Variants in FAM237B observed in about 807,000 individuals in gnomAD.
FAM237B encodes protein FAM237B.
Position 90,318,111 on chromosome 7 carries a change from A to G in FAM237B, c.*1218T>C, listed in dbSNP as rs1051551668. ...TTTATCAAAGGTATAGGCTTTTACG[A>G]CATGCATTCAAAAAGTATTAATCTA... On this transcript the variant is annotated 3_prime_UTR_variant, in exon 3 of 3. Coordinates refer to ENST00000692316, the MANE Select transcript of FAM237B (RefSeq NM_001384237.2). 12 of 152,190 alleles carry G rather than the reference A, an allele frequency of 7.9e-5. No individual in the cohort carries two copies. The highest frequency in any genetic ancestry group is 2.9e-4 in the African/African-American group (12 of 41,472). The allele number at this position is 152,190 out of a possible 1,614,324, so 9.4% of individuals were successfully genotyped here. A position where few individuals can be genotyped will look rare whatever the true frequency, so the allele number is the denominator to read the frequency against.
rs917979671 is a variant in FAM237B, at chr7:90,318,007, A to G, written c.*1322T>C. ...GAACATATGGTTTGGTTTTTCTTAT[A>G]AGCATGTGAATCTTGAAACTGTTCA... is the stretch of plus-strand genomic sequence containing the variant. On this transcript the variant is annotated 3_prime_UTR_variant, in exon 3 of 3. Transcript: ENST00000692316. 1 of 152,198 alleles carries G rather than the reference A, an allele frequency of 6.6e-6. No individual in the cohort carries two copies. The highest frequency in any genetic ancestry group is 2.4e-5 in the African/African-American group (1 of 41,466). 9.4% of individuals were successfully genotyped at this position (152,198 alleles called of 1,614,324 possible). A position where few individuals can be genotyped will look rare whatever the true frequency, so the allele number is the denominator to read the frequency against.
chr7:90,320,749 A>G (rs1290698649), intron 1 of FAM237B, 22 bp from the exon 2 acceptor site: 1 of 152,324 alleles, frequency 6.6e-6, no homozygotes, highest in African/African-American at 2.4e-5. Context: ...AATCATACGA[A>G]TCAAATCTAA....
At position 90,319,200 on chromosome 7, in the gene FAM237B, G is replaced by T; in HGVS notation, c.*129C>A. ...GTGTGGTTTGTAAATAATGTAAAAT[G>T]AGTAAAAATGAGAATCAAAACCTAT... On this transcript the variant is annotated 3_prime_UTR_variant, in exon 3 of 3. Coordinates refer to ENST00000692316, the MANE Select transcript of FAM237B (RefSeq NM_001384237.2). 3 of 389,764 alleles carry T rather than the reference G, an allele frequency of 7.7e-6. No homozygotes were observed. The highest frequency in any genetic ancestry group is 1.4e-5 in the Non-Finnish European group (3 of 220,822). The allele number at this position is 389,764 out of a possible 1,614,324, so 24.1% of individuals were successfully genotyped here. A position where few individuals can be genotyped will look rare whatever the true frequency, so the allele number is the denominator to read the frequency against.
rs1352203065 is a variant in FAM237B at position 90,319,638 on chromosome 7, G to A, written c.111C>T (p.Ser37=). The part of the protein sequence containing the change: ...EFQKGVLASI[S]PGITKDIDLQ... ...GATCAATGTCTTTGGTGATTCCTGG[G>A]CTGATGCTGGCAAGCACTCCTTTTT... is the stretch of plus-strand genomic sequence containing the variant. The change falls in exon 3 of 3, where the codon AGC becomes AGT. Residue 37 remains serine (S), a synonymous_variant. Coordinates refer to ENST00000692316, the MANE Select transcript of FAM237B (RefSeq NM_001384237.2). 2.0e-5 allele frequency: 8 copies of A among 398,560 alleles called. No homozygotes were observed. The highest frequency in any genetic ancestry group is 3.1e-5 in the Non-Finnish European group (7 of 226,054). 24.7% of individuals were successfully genotyped at this position (398,560 alleles called of 1,614,324 possible).
At position 90,319,500 on chromosome 7, in the gene FAM237B, C is replaced by T; in HGVS notation, c.249G>A (p.Arg83=). The part of the protein sequence containing the change: ...NFMLFLQKSQ[R]PGHYNVFLNI... ...TTAAGAAGACATTATAATGTCCAGGCCGCTGAGATTTTTGCAAGAACAACA... is the reference window on the plus strand; with the variant it reads ...TTAAGAAGACATTATAATGTCCAGGTCGCTGAGATTTTTGCAAGAACAACA... Residue 83 remains arginine (R), a synonymous_variant, in exon 3 of 3, where the codon CGG becomes CGA. Transcript: ENST00000692316. The T allele has an allele frequency of 2.5e-6, 1 of 398,536 alleles. No individual in the cohort carries two copies. Among genetic ancestry groups the T allele is most frequent in the East Asian group, 3.6e-5 (1 of 28,068 alleles). 24.7% of individuals were successfully genotyped at this position (398,536 alleles called of 1,614,324 possible).
chr7:90,320,010 G>C (rs962566553), intron 2 of FAM237B, among the ~76,000 whole-genome samples: 27 of 152,092 alleles, frequency 1.8e-4, no homozygotes, highest in Non-Finnish European at 2.6e-4. Flanking sequence ...TTTCATCACA[G>C]ACCTTTAAAA....
intron 2 of FAM237B, among the ~76,000 whole-genome samples, chr7:90,320,072 A>T (rs557033803): frequency 6.6e-6 from 1 of 152,356 alleles, no homozygotes; most frequent in East Asian, 1.9e-4. Flanking sequence ...TTTACTGATT[A>T]GATCATTAGT....
In FAM237B at chr7:90,320,784, T is replaced by TTA; in HGVS notation, c.-50-58_-50-57insTA. 1.3e-5 allele frequency: 2 copies of TTA among 152,362 alleles called. 1 individual carries two copies. The highest frequency in any genetic ancestry group is 2.9e-5 in the Non-Finnish European group (2 of 68,046). 9.4% of individuals were successfully genotyped at this position (152,362 alleles called of 1,614,324 possible). A position where few individuals can be genotyped will look rare whatever the true frequency, so the allele number is the denominator to read the frequency against. ...AACAGGACATTCAAGTCATTTCACA[T>TTA]CGTCGAAAATTGTGCAAATTCCCCA... is the stretch of plus-strand genomic sequence containing the variant. On this transcript the variant is annotated intron_variant, in intron 1 of 2. Coordinates refer to ENST00000692316, the MANE Select transcript of FAM237B (RefSeq NM_001384237.2).
rs1483017827 is a variant in FAM237B, at chr7:90,319,128, A to G, written c.*201T>C. 7 of 369,742 alleles carry G rather than the reference A, an allele frequency of 1.9e-5. No individual in the cohort carries two copies. Among genetic ancestry groups the G allele is most frequent in the East Asian group, 3.9e-5 (1 of 25,428 alleles). 22.9% of individuals were successfully genotyped at this position (369,742 alleles called of 1,614,324 possible). ...ACAAGGATAATTTTAATTATCTACC[A>G]AAGTGTATTATATTCCAAGATCATT... On this transcript the variant is annotated 3_prime_UTR_variant, in exon 3 of 3. Transcript: ENST00000692316.
rs1283373804 is a variant in FAM237B at position 90,317,900 on chromosome 7, T to A, written c.*1429A>T. On this transcript the variant is annotated 3_prime_UTR_variant, in exon 3 of 3. Transcript: ENST00000692316. ...TTGTAAGGATACTTGAAACCAGTGTTGTAAACCATGGTAGCCACTGTGAAA... is the reference window on the plus strand; with the variant it reads ...TTGTAAGGATACTTGAAACCAGTGTAGTAAACCATGGTAGCCACTGTGAAA... 1 of 152,192 alleles carries A rather than the reference T, an allele frequency of 6.6e-6. No homozygotes were observed. Among genetic ancestry groups the A allele is most frequent in the East Asian group, 1.9e-4 (1 of 5,200 alleles). 9.4% of individuals were successfully genotyped at this position (152,192 alleles called of 1,614,324 possible).
rs752498393 is a variant in FAM237B, at chr7:90,318,031, C to T, written c.*1298G>A. On this transcript the variant is annotated 3_prime_UTR_variant, in exon 3 of 3. Coordinates refer to ENST00000692316, the MANE Select transcript of FAM237B (RefSeq NM_001384237.2). The stretch of plus-strand genomic sequence containing the variant: ...TAAGCATGTGAATCTTGAAACTGTT[C>T]ATGTGTCCCTCTTCACTAGGAGAAG... The T allele has an allele frequency of 2.0e-5, 3 of 152,166 alleles. No homozygotes were observed. The highest frequency in any genetic ancestry group is 4.4e-5 in the Non-Finnish European group (3 of 68,010). The allele number at this position is 152,166 out of a possible 1,614,324, so 9.4% of individuals were successfully genotyped here.
At chr7:90,320,881 C>T (rs42612) in intron 1 of FAM237B, 41 bp downstream of exon 1, 152,258 of 152,424 alleles carry the variant, frequency 1, 76,047 homozygotes, top group Middle Eastern at 1. Context: ...CAATTTCAGG[C>T]TAGCGCCTCT....
Position 90,319,127 on chromosome 7 carries a change from C to A in FAM237B, c.*202G>T. The stretch of plus-strand genomic sequence containing the variant: ...AACAAGGATAATTTTAATTATCTAC[C>A]AAAGTGTATTATATTCCAAGATCAT... On this transcript the variant is annotated 3_prime_UTR_variant, in exon 3 of 3. Transcript: ENST00000692316. 4 of 339,878 alleles carry A rather than the reference C, an allele frequency of 1.2e-5. No homozygotes were observed. Among genetic ancestry groups the A allele is most frequent in the Non-Finnish European group, 1.1e-5 (2 of 189,398 alleles). The allele number at this position is 339,878 out of a possible 1,614,324, so 21.1% of individuals were successfully genotyped here.
Position 90,319,376 on chromosome 7 carries a change from G to GA in FAM237B, c.372dup (p.Pro125SerfsTer8). 2.5e-6 allele frequency: 1 copy of GA among 398,512 alleles called. No individual in the cohort carries two copies. The highest frequency in any genetic ancestry group is 4.4e-6 in the Non-Finnish European group (1 of 226,024). The allele number at this position is 398,512 out of a possible 1,614,324, so 24.7% of individuals were successfully genotyped here. On this transcript the variant is annotated frameshift_variant, in exon 3 of 3. Transcript: ENST00000692316. LOFTEE classifies it high-confidence loss of function. ...AAATTACCTCCTGTTATTTTCTGTG[G>GA]AAAATTATATTTGGGGGGCATCACC...
rs1254157805 is a variant in FAM237B, at chr7:90,321,091, C to G, written c.-220G>C. 2.0e-5 allele frequency: 3 copies of G among 152,320 alleles called. No homozygotes were observed. The highest frequency in any genetic ancestry group is 2.1e-4 in the South Asian group (1 of 4,838). 9.4% of individuals were successfully genotyped at this position (152,320 alleles called of 1,614,324 possible). ...CAGCGGGGACGACCCCTGCCCAGGG[C>G]GCCCTCTGCCCAGCGGACCCACTTC... is the stretch of plus-strand genomic sequence containing the variant. On this transcript the variant is annotated 5_prime_UTR_variant, in exon 1 of 3. Transcript: ENST00000692316.
chr7:90,318,026 C>G lies in FAM237B; in HGVS notation c.*1303G>C, dbSNP rs539062853. The G allele has an allele frequency of 4.6e-5, 7 of 152,302 alleles. No homozygotes were observed. In the South Asian group the frequency reaches 1.5e-3, roughly 32 times the overall value. 9.4% of individuals were successfully genotyped at this position (152,302 alleles called of 1,614,324 possible). On this transcript the variant is annotated 3_prime_UTR_variant, in exon 3 of 3. Coordinates refer to ENST00000692316, the MANE Select transcript of FAM237B (RefSeq NM_001384237.2). The stretch of plus-strand genomic sequence containing the variant: ...TCTTATAAGCATGTGAATCTTGAAA[C>G]TGTTCATGTGTCCCTCTTCACTAGG...
chr7:90,318,273 A>G lies in FAM237B; in HGVS notation c.*1056T>C, dbSNP rs1231514603. 1 of 152,234 alleles carries G rather than the reference A, an allele frequency of 6.6e-6. No homozygotes were observed. The highest frequency in any genetic ancestry group is 1.5e-5 in the Non-Finnish European group (1 of 68,018). 9.4% of individuals were successfully genotyped at this position (152,234 alleles called of 1,614,324 possible). ...TTTTTGAAATAAGATGTGAGATATA[A>G]ATAGGCAATATAAAAAATAACTCAG... On this transcript the variant is annotated 3_prime_UTR_variant, in exon 3 of 3. Coordinates refer to ENST00000692316, the MANE Select transcript of FAM237B (RefSeq NM_001384237.2).
In FAM237B at chr7:90,319,446, A is replaced by G. The variant is rs568986377; in HGVS notation, c.303T>C (p.Tyr101=). 20 of 398,520 alleles carry G rather than the reference A, an allele frequency of 5.0e-5. No homozygotes were observed. The highest frequency in any genetic ancestry group is 7.1e-5 in the Non-Finnish European group (16 of 226,056). The allele number at this position is 398,520 out of a possible 1,614,324, so 24.7% of individuals were successfully genotyped here. Residue 101 remains tyrosine, a synonymous_variant, in exon 3 of 3, where the codon TAT becomes TAC. Coordinates refer to ENST00000692316, the MANE Select transcript of FAM237B (RefSeq NM_001384237.2). ...GAGATCTTGAAAGCAAGCAGTCTAC[A>G]TACATGTCCCAGAAATCCTGAGCTA... The part of the protein sequence containing the change: ...LNIAQDFWDM[Y]VDCLLSRSHG...
intron 2 of FAM237B, 92 bp downstream of exon 2, chr7:90,320,589 C>T (rs1364589303): frequency 6.6e-6 from 1 of 152,224 alleles, no homozygotes; most frequent in Non-Finnish European, 1.5e-5. Flanking sequence ...ACCTGCTATT[C>T]AAGGCTGCTG....
Sources: gnomAD v4.1 joint callset for allele counts (sites outside exome capture counted in the v4.1 genomes callset) on GRCh38, gnomAD v4.1.1 for gene constraint, MANE v1.5 for transcripts, NCBI Gene and HGNC (gene_info 2026-07-23, HGNC 2026-07-21) for gene names.